EML4: variants seen among roughly 807,000 people sequenced by gnomAD.
The protein encoded by EML4 is echinoderm microtubule-associated protein-like 4.
A neutral mutation model predicts 129.0 loss-of-function variants in EML4; 72 were observed. That is an observed-to-expected ratio of 0.56 (90% CI 0.46 to 0.68). The LOEUF (loss-of-function observed/expected upper bound fraction) is 0.68. Among genes scored for constraint, EML4 ranks in the 30% least tolerant of loss-of-function variants. The pLI is 0.00. For missense variants in EML4, 1,363 were observed against 1,190.6 expected (o/e 1.14, Z -2.13); for synonymous variants, 532 against 405.0 (o/e 1.31, Z -3.77).
chr2:42,329,627 C>T, intron 22 of EML4, 107 bp from the exon 23 acceptor site: 1 of 835,282 alleles, frequency 1.2e-6, no homozygotes. Context: ...ATTGGATTGC[C>T]CATTTCACAA....
chr2:42,209,970 A>G (rs1031988310), intron 1 of EML4, among the ~76,000 whole-genome samples: 19 of 152,208 alleles, frequency 1.2e-4, no homozygotes, highest in Admixed American at 9.2e-4. Flanking sequence ...AAAAAAACCA[A>G]TAGACTTCAT....
intron 3 of EML4, among the ~76,000 whole-genome samples, chr2:42,259,740 T>G: frequency 7.1e-6 from 1 of 141,226 alleles, no homozygotes; most frequent in African/African-American, 2.7e-5. Context: ...TTTTTTTTTT[T>G]TTTTTTTGAG....
intron 3 of EML4, among the ~76,000 whole-genome samples, 153 bp downstream of exon 3, chr2:42,256,783 C>T (rs1324397047): frequency 1.3e-5 from 2 of 152,198 alleles, no homozygotes; most frequent in Non-Finnish European, 2.9e-5. Flanking sequence ...GACATTTAGC[C>T]TGTGCTCACT....
chr2:42,228,470 A>G (rs1282553970), intron 1 of EML4, among the ~76,000 whole-genome samples: 1 of 152,084 alleles, frequency 6.6e-6, no homozygotes, highest in African/African-American at 2.4e-5. Context: ...ATGTTCTTAG[A>G]GCTTGTCATT....
intron 5 of EML4, 40 bp from the exon 6 acceptor site, chr2:42,264,666 A>G: frequency 8.4e-7 from 1 of 1,186,334 alleles, no homozygotes; most frequent in East Asian, 2.4e-5. Context: ...TAGCCATATA[A>G]ACTTATAAAA....
chr2:42,317,298 A>G (rs1188657589), intron 18 of EML4, 129 bp from the exon 19 acceptor site: 2 of 617,344 alleles, frequency 3.2e-6, no homozygotes, highest in Non-Finnish European at 2.8e-6. Context: ...CTTAGTGGAT[A>G]GGATTCATTC....
chr2:42,177,841 A>T, intron 1 of EML4, among the ~76,000 whole-genome samples: 1 of 152,188 alleles, frequency 6.6e-6, no homozygotes, highest in East Asian at 1.9e-4. Flanking sequence ...GGAGAAGAGG[A>T]AGAGATAATG....
chr2:42,236,517 C>A (rs1444892715), intron 1 of EML4, among the ~76,000 whole-genome samples: 3 of 152,188 alleles, frequency 2.0e-5, no homozygotes, highest in Non-Finnish European at 4.4e-5. Context: ...CATAGCCACA[C>A]CCATTCATAT....
chr2:42,300,606 A>G (rs1480626623), intron 13 of EML4, among the ~76,000 whole-genome samples: 4 of 152,294 alleles, frequency 2.6e-5, no homozygotes, highest in African/African-American at 9.6e-5. Flanking sequence ...TCCATTGCCT[A>G]CCTTTGTCCC....
intron 1 of EML4, among the ~76,000 whole-genome samples, chr2:42,235,899 A>G (rs574010754): frequency 1.8e-4 from 28 of 152,298 alleles, no homozygotes; most frequent in African/African-American, 6.0e-4. Context: ...TTGTTCTCCA[A>G]AGAATAAAGT....
Position 42,281,063 on chromosome 2 carries a change from AC to A in EML4, c.791+91del. On this transcript the variant is annotated intron_variant, in intron 7 of 22. Transcript: ENST00000318522. ...TATTCTCTGTCAAAATTGTCTTTAT[AC>A]AAAAAAAAAAAGTAACAGCTACTTA... 1.1e-5 allele frequency: 12 copies of A among 1,121,944 alleles called. No individual in the cohort carries two copies. In the African/African-American group the frequency reaches 1.1e-4, roughly 10 times the overall value. 69.5% of individuals were successfully genotyped at this position (1,121,944 alleles called of 1,614,324 possible). A position where few individuals can be genotyped will look rare whatever the true frequency, so the allele number is the denominator to read the frequency against.
In EML4 at chr2:42,227,850, G is replaced by A. The variant is rs76559054; in HGVS notation, c.26-17655G>A. On this transcript the variant is annotated intron_variant, in intron 1 of 22. Coordinates refer to ENST00000318522, the MANE Select transcript of EML4 (RefSeq NM_019063.5). Reference sequence around the variant, plus strand: ...AATATATATAACATACAAAATATGTGTTAATCAACTGTTTGTTATCAGTAA... The same window carrying A: ...AATATATATAACATACAAAATATGTATTAATCAACTGTTTGTTATCAGTAA... Among the ~76,000 whole-genome samples, 1,311 of 152,236 alleles carry A rather than the reference G, an allele frequency of 8.6e-3. 18 individuals are homozygous for A. Among genetic ancestry groups the A allele is most frequent in the South Asian group, 0.041 (197 of 4,820 alleles).
intron 1 of EML4, among the ~76,000 whole-genome samples, chr2:42,201,139 T>A (rs1265741495): frequency 6.6e-6 from 1 of 152,208 alleles, no homozygotes; most frequent in Non-Finnish European, 1.5e-5. Context: ...CAAAATGTTT[T>A]TGTTGGCTAC....
intron 1 of EML4, among the ~76,000 whole-genome samples, chr2:42,220,236 ATT>A (rs56896362): frequency 0.029 from 3,992 of 140,038 alleles, 182 homozygotes; most frequent in African/African-American, 0.096. Flanking sequence ...CAGATACTGT[ATT>A]TTTTTTTTTT....
intron 17 of EML4, among the ~76,000 whole-genome samples, chr2:42,312,720 A>AT (rs1278113559): frequency 2.0e-5 from 3 of 151,350 alleles, no homozygotes; most frequent in East Asian, 3.9e-4. Context: ...TGCCTGGCTA[A>AT]TTTTTTGTAT....
intron 9 of EML4, chr2:42,286,022 A>G (rs1224127596): frequency 1.9e-6 from 1 of 533,426 alleles, no homozygotes; most frequent in Non-Finnish European, 3.4e-6. Flanking sequence ...TAAATGAATT[A>G]ATATGTGTAA....
chr2:42,189,747 C>G (rs1671473869), intron 1 of EML4, among the ~76,000 whole-genome samples: 1 of 152,132 alleles, frequency 6.6e-6, no homozygotes, highest in Admixed American at 6.6e-5. Context: ...CACTGAAGCC[C>G]AAGTCATGCC....
At chr2:42,328,851 T>A (rs532844619) in intron 21 of EML4, 35 bp from the exon 22 acceptor site, 1 of 1,551,376 alleles carries the variant, frequency 6.4e-7, no homozygotes, top group East Asian at 2.3e-5. Flanking sequence ...TTTCTTCAGC[T>A]AATTTTTCTG....
chr2:42,229,919 A>T (rs1202651891), intron 1 of EML4, among the ~76,000 whole-genome samples: 2 of 143,124 alleles, frequency 1.4e-5, no homozygotes, highest in East Asian at 4.2e-4. Flanking sequence ...AGGAAAGGGG[A>T]TATTCAGAGA....
Sources: gnomAD v4.1 joint callset for allele counts (sites outside exome capture counted in the v4.1 genomes callset) on GRCh38, gnomAD v4.1.1 for gene constraint, MANE v1.5 for transcripts, NCBI Gene and HGNC (gene_info 2026-07-23, HGNC 2026-07-21) for gene names.